GLIS3: variants seen among roughly 807,000 people sequenced by gnomAD.
GLIS3 encodes the protein GLIS family zinc finger 3, also known as zinc finger protein GLIS3.
A neutral mutation model predicts 78.6 loss-of-function variants in GLIS3; 53 were observed. The observed-to-expected ratio is 0.67, with a 90% CI of 0.54 to 0.85. The LOEUF is 0.85. GLIS3 is among the 40% of genes least tolerant of loss of function. The pLI, the probability that GLIS3 is intolerant of heterozygous loss-of-function variation, is 0.00. For missense variants in GLIS3, 1,703 were observed against 1,231.1 expected (o/e 1.38, Z -5.74); for synonymous variants, 684 against 509.9 (o/e 1.34, Z -4.60).
chr9:4,420,664 CTT>C, the GLIS3 span, among the ~76,000 whole-genome samples: 1 of 152,146 alleles, frequency 6.6e-6, no homozygotes, highest in Non-Finnish European at 1.5e-5. Flanking sequence ...CCGCTGATCT[CTT>C]TTGAACAAGA....
intron 2 of GLIS3, among the ~76,000 whole-genome samples, chr9:4,270,779 G>T (rs151119723): frequency 6.6e-6 from 1 of 152,170 alleles, no homozygotes; most frequent in Non-Finnish European, 1.5e-5. Flanking sequence ...CGATACCAAT[G>T]GCTCTCCCAG....
chr9:4,370,860 A>T, the GLIS3 span, among the ~76,000 whole-genome samples: 6 of 152,100 alleles, frequency 3.9e-5, no homozygotes, highest in Non-Finnish European at 8.8e-5. Flanking sequence ...ATAAAGACAT[A>T]TGAATATATA....
intron 9 of GLIS3, among the ~76,000 whole-genome samples, chr9:3,841,936 C>G (rs1563766531): frequency 6.6e-6 from 1 of 152,188 alleles, no homozygotes; most frequent in African/African-American, 2.4e-5. Context: ...CCCATAAACT[C>G]ACAAGCAATC....
chr9:4,282,525 A>G (rs1197524021), intron 2 of GLIS3, among the ~76,000 whole-genome samples: 2 of 151,990 alleles, frequency 1.3e-5, no homozygotes, highest in Non-Finnish European at 2.9e-5. Flanking sequence ...CTTGCCTTTA[A>G]CTTCAAACTG....
intron 4 of GLIS3, chr9:4,035,700 A>C (rs1824239916): frequency 1.3e-5 from 2 of 152,102 alleles, no homozygotes; most frequent in African/African-American, 4.8e-5. Flanking sequence ...CCCTCCTCAG[A>C]AACTATCCAA....
At chr9:4,108,274 G>T (rs531664229) in intron 4 of GLIS3, among the ~76,000 whole-genome samples, 1 of 152,234 alleles carries the variant, frequency 6.6e-6, no homozygotes, top group South Asian at 2.1e-4. Flanking sequence ...CCAGCACACT[G>T]AATCTTTTCT....
the GLIS3 span, among the ~76,000 whole-genome samples, chr9:4,410,959 A>C: frequency 5.9e-5 from 9 of 152,168 alleles, no homozygotes; most frequent in Admixed American, 2.0e-4. Flanking sequence ...TTTTTTCTTA[A>C]ATTGTGTATG....
intron 4 of GLIS3, among the ~76,000 whole-genome samples, chr9:4,098,839 C>G (rs1182688787): frequency 1.3e-5 from 2 of 152,114 alleles, no homozygotes; most frequent in Admixed American, 6.5e-5. Flanking sequence ...AATTAGTTCT[C>G]ACGTACTGCC....
chr9:3,956,059 A>C (rs1444421797), intron 4 of GLIS3, among the ~76,000 whole-genome samples: 1 of 151,816 alleles, frequency 6.6e-6, no homozygotes, highest in Non-Finnish European at 1.5e-5. Context: ...GAAAGAAAAA[A>C]AGAAAAGAAT....
chr9:3,971,516 AG>A (rs1470505950), intron 4 of GLIS3, among the ~76,000 whole-genome samples: 3 of 152,306 alleles, frequency 2.0e-5, no homozygotes, highest in Admixed American at 2.0e-4. Flanking sequence ...GAAGAGAGAA[AG>A]GGAAATGAAA....
the GLIS3 span, among the ~76,000 whole-genome samples, chr9:4,473,460 C>CAAAAAAAAAAAAAAAA: frequency 8.5e-4 from 111 of 131,262 alleles, 3 homozygotes; most frequent in Admixed American, 3.1e-3. Flanking sequence ...ACAACAACAA[C>CAAAAAAAAAAAAAAAA]AAAAAAAAAG....
At chr9:4,224,860 C>G (rs1563785665) in intron 2 of GLIS3, among the ~76,000 whole-genome samples, 1 of 152,010 alleles carries the variant, frequency 6.6e-6, no homozygotes, top group East Asian at 1.9e-4. Flanking sequence ...ACTTTTCAAA[C>G]ACTGTCAATA....
At chr9:3,926,200 C>T (rs1380906042) in intron 6 of GLIS3, among the ~76,000 whole-genome samples, 1 of 150,470 alleles carries the variant, frequency 6.6e-6, no homozygotes, top group East Asian at 1.9e-4. Context: ...CAGGAAGGTA[C>T]AGTATTGCGA....
upstream of GLIS3, among the ~76,000 whole-genome samples, chr9:4,352,152 T>G (rs1817979597): frequency 6.6e-6 from 1 of 152,246 alleles, no homozygotes; most frequent in African/African-American, 2.4e-5. Context: ...TCTCAATCCA[T>G]GCTTTGTCTC....
At chr9:4,024,644 T>C (rs1246054993) in intron 4 of GLIS3, among the ~76,000 whole-genome samples, 1 of 152,218 alleles carries the variant, frequency 6.6e-6, no homozygotes, top group East Asian at 1.9e-4. Flanking sequence ...TGGGAGGAGG[T>C]CTGCTCTTCC....
At chr9:4,275,302 T>G (rs1290809852) in intron 2 of GLIS3, among the ~76,000 whole-genome samples, 2 of 152,188 alleles carry the variant, frequency 1.3e-5, no homozygotes, top group Non-Finnish European at 2.9e-5. Context: ...AGCTCATGGA[T>G]GGAAACGACA....
intron 7 of GLIS3, among the ~76,000 whole-genome samples, chr9:3,891,711 GAC>G (rs972784665): frequency 6.6e-6 from 1 of 152,086 alleles, no homozygotes; most frequent in African/African-American, 2.4e-5. Flanking sequence ...CAAAAGAAAA[GAC>G]ACAAAATATT....
chr9:4,208,651 G>C (rs1052373995), intron 2 of GLIS3, among the ~76,000 whole-genome samples: 4 of 152,224 alleles, frequency 2.6e-5, no homozygotes, highest in African/African-American at 9.6e-5. Context: ...TTAGGGAATA[G>C]TATGTTCCGC....
chr9:4,007,590 A>G (rs1035444605), intron 4 of GLIS3, among the ~76,000 whole-genome samples: 2 of 152,130 alleles, frequency 1.3e-5, no homozygotes, highest in Non-Finnish European at 2.9e-5. Context: ...AAAAAAGCCT[A>G]AAGACACCAA....
Sources: allele counts gnomAD v4.1 joint callset (sites outside exome capture counted in the v4.1 genomes callset), GRCh38; gene constraint gnomAD v4.1.1; transcripts MANE v1.5; gene names NCBI Gene and HGNC (gene_info 2026-07-23, HGNC 2026-07-21).